TENT4B: variants seen among roughly 807,000 people sequenced by gnomAD.
TENT4B encodes terminal nucleotidyltransferase 4B, also known as PAP associated domain containing 5.
Under a neutral mutation model 75.0 loss-of-function variants are expected in TENT4B, and 10 were observed. That is an observed-to-expected ratio of 0.13 (90% CI 0.08 to 0.23). The LOEUF (loss-of-function observed/expected upper bound fraction) is 0.23. TENT4B is among the 10% of genes least tolerant of loss of function. The probability of loss-of-function intolerance (pLI) is 1.00; values close to 1 mark genes in which losing one functional copy is unlikely to be tolerated. For synonymous variants in TENT4B, 350 were observed against 357.7 expected (o/e 0.98, Z 0.24); for missense variants, 579 against 893.8 (o/e 0.65, Z 4.49).
At chr16:50,216,323 T>C (rs2031550650) in intron 4 of TENT4B, 128 bp downstream of exon 4, 1 of 1,236,332 alleles carries the variant, frequency 8.1e-7, no homozygotes, top group Non-Finnish European at 1.1e-6. Flanking sequence ...AATGTCACCG[T>C]GCTTGCACAT....
At position 50,154,266 on chromosome 16, in the gene TENT4B, G is replaced by T; in HGVS notation, c.638+7G>T. ...ACAACCAGGGAGTCGTGGGGTGAGT[G>T]CTGGCTCTGCGGCCCGATGGCCTGG... On this transcript the variant is annotated splice_region_variant and intron_variant, in intron 1 of 11. Coordinates refer to ENST00000561678, the MANE Select transcript of TENT4B (RefSeq NM_001365324.3). The T allele has an allele frequency of 2.1e-6, 3 of 1,407,472 alleles. No individual in the cohort carries two copies. The highest frequency in any genetic ancestry group is 2.8e-6 in the Non-Finnish European group (3 of 1,087,558). The allele number at this position is 1,407,472 out of a possible 1,614,324, so 87.2% of individuals were successfully genotyped here. A position where few individuals can be genotyped will look rare whatever the true frequency, so the allele number is the denominator to read the frequency against.
At chr16:50,203,381 C>T (rs568798895) in intron 1 of TENT4B, among the ~76,000 whole-genome samples, 1 of 152,314 alleles carries the variant, frequency 6.6e-6, no homozygotes, top group East Asian at 1.9e-4. Flanking sequence ...CCTATTTAGG[C>T]ATGGCCTTTT....
intron 10 of TENT4B, among the ~76,000 whole-genome samples, chr16:50,225,642 T>C (rs2032014842): frequency 6.6e-6 from 1 of 152,140 alleles, no homozygotes; most frequent in African/African-American, 2.4e-5. Context: ...CTGTAGCTTG[T>C]GCATCCTTGT....
chr16:50,232,559 T>C lies in TENT4B; in HGVS notation c.*3231T>C, dbSNP rs902856170. ...CCCATGAAATGGTAAGTGTGACTTG[T>C]GTTTGCCTGAACCTGTGGACTAGTG... On this transcript the variant is annotated 3_prime_UTR_variant, in exon 12 of 12. Transcript: ENST00000561678. 30 of 985,276 alleles carry C rather than the reference T, an allele frequency of 3.0e-5. No individual in the cohort carries two copies. The highest frequency in any genetic ancestry group is 3.5e-5 in the Non-Finnish European group (29 of 829,934). The allele number at this position is 985,276 out of a possible 1,614,324, so 61.0% of individuals were successfully genotyped here.
chr16:50,196,529 CCTT>C (rs1329194851), intron 1 of TENT4B, among the ~76,000 whole-genome samples: 3 of 141,692 alleles, frequency 2.1e-5, no homozygotes, highest in African/African-American at 8.0e-5. Flanking sequence ...ATCATCATCT[CCTT>C]CATCATGAAA....
At chr16:50,189,363 G>A (rs17214126) in intron 1 of TENT4B, among the ~76,000 whole-genome samples, 5,339 of 152,234 alleles carry the variant, frequency 0.035, 120 homozygotes, top group Middle Eastern at 0.044. Context: ...TTGCAAGTGC[G>A]TTATGGCAAG....
intron 1 of TENT4B, among the ~76,000 whole-genome samples, chr16:50,158,776 T>C (rs2037948714): frequency 6.6e-6 from 1 of 152,122 alleles, no homozygotes; most frequent in South Asian, 2.1e-4. Context: ...AAGACCTTGT[T>C]GGGAAACTTG....
intron 1 of TENT4B, among the ~76,000 whole-genome samples, chr16:50,160,372 C>T (rs549493346): frequency 6.6e-6 from 1 of 151,966 alleles, no homozygotes; most frequent in African/African-American, 2.4e-5. Flanking sequence ...GCAAAGGAAA[C>T]GGTGAGTGAC....
rs576040688 is a variant in TENT4B, at chr16:50,234,220, G to A, written c.*4892G>A. On this transcript the variant is annotated 3_prime_UTR_variant, in exon 12 of 12. Transcript: ENST00000561678. ...TGTAATCCCAGCACTTTGGGAGGCC[G>A]AAGCGGGAGGATGGCTTGAGGCTGG... 11 of 985,622 alleles carry A rather than the reference G, an allele frequency of 1.1e-5. No homozygotes were observed. The South Asian group carries it at 1.9e-4, about 17-fold the overall frequency. The allele number at this position is 985,622 out of a possible 1,614,324, so 61.1% of individuals were successfully genotyped here.
Position 50,153,714 on chromosome 16 carries a change from G to T in TENT4B, c.93G>T (p.Arg31Ser). Residue 31 changes from arginine to serine, a missense_variant, in exon 1 of 12, where the codon AGG becomes AGT. Arg to Ser is a moderately radical substitution (Grantham distance 110, BLOSUM62 -1). Around this residue, in one of 7 missense-constraint regions of TENT4B, gnomAD observed 253 missense variants for 270.1 expected, o/e 0.94. Transcript: ENST00000561678. ...TCTGGGAGACGACCCAGGGGCTGAG[G>T]AACCTCTACTTCAACCACCACTGTC... ...MQIWETTQGL[R>S]NLYFNHHCHS... 9.6e-7 allele frequency: 1 copy of T among 1,040,736 alleles called. No homozygotes were observed. Among genetic ancestry groups the T allele is most frequent in the Non-Finnish European group, 1.2e-6 (1 of 867,524 alleles). 64.5% of individuals were successfully genotyped at this position (1,040,736 alleles called of 1,614,324 possible).
intron 1 of TENT4B, among the ~76,000 whole-genome samples, chr16:50,160,543 T>C (rs941961159): frequency 3.9e-5 from 6 of 152,174 alleles, no homozygotes; most frequent in Admixed American, 2.6e-4. Flanking sequence ...TCTCAATTTC[T>C]TCCGTGAAAT....
chr16:50,217,080 G>C (rs2031596731), intron 4 of TENT4B, among the ~76,000 whole-genome samples: 1 of 151,994 alleles, frequency 6.6e-6, no homozygotes, highest in African/African-American at 2.4e-5. Flanking sequence ...TTAATACCTG[G>C]CATTCCTAGT....
chr16:50,232,489 G>C lies in TENT4B; in HGVS notation c.*3161G>C. The C allele has an allele frequency of 1.0e-6, 1 of 985,302 alleles. No individual in the cohort carries two copies. The allele number at this position is 985,302 out of a possible 1,614,324, so 61.0% of individuals were successfully genotyped here. ...TGAGCATTTTTAATTGTCTTTTTCT[G>C]CTGGAACCTTATATCTCTCCATGTG... On this transcript the variant is annotated 3_prime_UTR_variant, in exon 12 of 12. Transcript: ENST00000561678.
Position 50,230,081 on chromosome 16 carries a change from A to G in TENT4B, c.*753A>G. 2 of 983,868 alleles carry G rather than the reference A, an allele frequency of 2.0e-6. No homozygotes were observed. The highest frequency in any genetic ancestry group is 2.4e-6 in the Non-Finnish European group (2 of 828,542). The allele number at this position is 983,868 out of a possible 1,614,324, so 60.9% of individuals were successfully genotyped here. ...CTGCAAAAATTTTTCCTCTCTAAAGAAAAGGTTTATGGTGGCAAATGATGT... is the reference window on the plus strand; with the variant it reads ...CTGCAAAAATTTTTCCTCTCTAAAGGAAAGGTTTATGGTGGCAAATGATGT... On this transcript the variant is annotated 3_prime_UTR_variant, in exon 12 of 12. Transcript: ENST00000561678.
At chr16:50,167,397 T>TACTTTCTTTTAGGTTTTTTTTTTTC (rs2038121629) in intron 1 of TENT4B, among the ~76,000 whole-genome samples, 4 of 151,270 alleles carry the variant, frequency 2.6e-5, no homozygotes, top group African/African-American at 9.7e-5. Flanking sequence ...TTTTTTTTTT[T>TACTTTCTTTTAGGTTTTTTTTTTTC]ACTTTCTTTT....
At chr16:50,167,509 CTAATTTGTCTA>C (rs2038123923) in intron 1 of TENT4B, among the ~76,000 whole-genome samples, 1 of 149,466 alleles carries the variant, frequency 6.7e-6, no homozygotes, top group South Asian at 2.1e-4. Context: ...TCAATGATGT[CTAATTTGTCTA>C]TTTTTTTTTC....
At chr16:50,200,771 C>T (rs1313257068) in intron 1 of TENT4B, among the ~76,000 whole-genome samples, 1 of 151,610 alleles carries the variant, frequency 6.6e-6, no homozygotes, top group African/African-American at 2.4e-5. Flanking sequence ...TGAATACCTG[C>T]CTTTTGCTTT....
rs542152466 is a variant in TENT4B at position 50,229,101 on chromosome 16, T to A, written c.1966-51T>A. The stretch of plus-strand genomic sequence containing the variant: ...CCCAAATCCAGGTGTTTGAGAACAC[T>A]CTGCTTTTCTGCAATACTGATGTCT... On this transcript the variant is annotated intron_variant, in intron 11 of 11. Coordinates refer to ENST00000561678, the MANE Select transcript of TENT4B (RefSeq NM_001365324.3). 3 of 1,594,172 alleles carry A rather than the reference T, an allele frequency of 1.9e-6. No homozygotes were observed. In the African/African-American group the frequency reaches 4.1e-5, roughly 22 times the overall value.
chr16:50,163,408 A>G (rs1004029974), intron 1 of TENT4B, among the ~76,000 whole-genome samples: 10 of 150,324 alleles, frequency 6.7e-5, no homozygotes, highest in Admixed American at 1.3e-4. Flanking sequence ...CACTACCAGG[A>G]TATAATTTCT....
Sources: allele counts gnomAD v4.1 joint callset (sites outside exome capture counted in the v4.1 genomes callset), GRCh38; gene constraint gnomAD v4.1.1; regional missense constraint gnomAD v4.1.1; transcripts MANE v1.5; gene names NCBI Gene and HGNC (gene_info 2026-07-23, HGNC 2026-07-21).